Variants in CFAP99 observed in about 807,000 individuals in gnomAD.
CFAP99 encodes the protein cilia- and flagella-associated protein 99.
A neutral mutation model predicts 82.7 loss-of-function variants in CFAP99; 84 were observed. That is an observed-to-expected ratio of 1.02 (90% confidence interval 0.85 to 1.22). CFAP99 has a LOEUF of 1.22. Among genes scored for constraint, CFAP99 ranks in the 50% most tolerant of loss-of-function variants. The pLI is 0.00. For missense variants in CFAP99, 1,059 were observed against 983.5 expected, an observed-to-expected ratio of 1.08 and a Z score of -1.03; for synonymous variants, 456 against 429.5, an observed-to-expected ratio of 1.06 and a Z score of -0.76.
At chr4:2,452,226 G>A (rs1734319761) in exon 11 of CFAP99, 2 of 1,536,058 alleles carry the variant, frequency 1.3e-6, no homozygotes, top group Admixed American at 2.0e-5. Context: ...ACCGGGAGGA[G>A]CAGCTGGCTG....
At chr4:2,452,707 C>A (rs959576684) in intron 11 of CFAP99, among the ~76,000 whole-genome samples, 2 of 152,186 alleles carry the variant, frequency 1.3e-5, no homozygotes, top group Non-Finnish European at 2.9e-5. Flanking sequence ...TTGATAGTTT[C>A]ATCTGTGTCT....
intron 1 of CFAP99, among the ~76,000 whole-genome samples, chr4:2,419,408 C>A (rs1290745582): frequency 6.6e-6 from 1 of 152,190 alleles, no homozygotes; most frequent in Non-Finnish European, 1.5e-5. Flanking sequence ...CGTGGCCTCA[C>A]TTAAACTTCC....
At chr4:2,443,137 G>C (rs765280926) in exon 5 of CFAP99, 1 of 1,533,486 alleles carries the variant, frequency 6.5e-7, no homozygotes, top group South Asian at 1.2e-5. Context: ...CAGTTCCTCA[G>C]GTTCTTCTTC....
At chr4:2,449,159 A>G (rs1734243100) in intron 6 of CFAP99, among the ~76,000 whole-genome samples, 1 of 151,960 alleles carries the variant, frequency 6.6e-6, no homozygotes, top group Non-Finnish European at 1.5e-5. Flanking sequence ...TCATGGACAC[A>G]GCTCCGGCCA....
chr4:2,450,036 C>T (rs1025719368), intron 8 of CFAP99, 31 bp downstream of exon 8: 28 of 1,530,940 alleles, frequency 1.8e-5, no homozygotes, highest in East Asian at 2.4e-5. Flanking sequence ...GACCCATCAT[C>T]GAGGTGCCAT....
intron 1 of CFAP99, among the ~76,000 whole-genome samples, chr4:2,419,770 G>T (rs911462318): frequency 6.6e-6 from 1 of 151,960 alleles, no homozygotes; most frequent in Non-Finnish European, 1.5e-5. Context: ...TTGGGGGTAG[G>T]GTCCATGTTT....
intron 8 of CFAP99, chr4:2,450,383 G>A (rs937583902): frequency 1.6e-5 from 5 of 310,664 alleles, no homozygotes; most frequent in South Asian, 3.3e-5. Context: ...TGTGCCTGGC[G>A]GGGCTCACTC....
intron 11 of CFAP99, among the ~76,000 whole-genome samples, chr4:2,454,596 T>TGG (rs1734385220): frequency 1.4e-5 from 2 of 144,334 alleles, no homozygotes; most frequent in African/African-American, 5.4e-5. Flanking sequence ...TTTTTTTTGT[T>TGG]TTTTTTTTTT....
At chr4:2,450,601 G>A (rs17132584) in intron 8 of CFAP99, among the ~76,000 whole-genome samples, 6,077 of 152,288 alleles carry the variant, frequency 0.04, 437 homozygotes, top group African/African-American at 0.14. Flanking sequence ...AGACAGGCTC[G>A]GGGAGAGGCC....
intron 4 of CFAP99, among the ~76,000 whole-genome samples, 198 bp from the exon 5 acceptor site, chr4:2,442,932 G>C (rs1476418082): frequency 1.9e-5 from 2 of 103,432 alleles, no homozygotes; most frequent in Non-Finnish European, 2.0e-5. Flanking sequence ...GGGGTGCTGG[G>C]GGCCTTGGGG....
At chr4:2,423,845 G>A (rs1429684319) in intron 1 of CFAP99, among the ~76,000 whole-genome samples, 1 of 150,828 alleles carries the variant, frequency 6.6e-6, no homozygotes, top group Non-Finnish European at 1.5e-5. Context: ...ACTGGCGCAG[G>A]AACGCACCTC....
At chr4:2,456,593 CACCACA>C (rs1211512322) in intron 11 of CFAP99, among the ~76,000 whole-genome samples, 3 of 152,184 alleles carry the variant, frequency 2.0e-5, no homozygotes, top group African/African-American at 7.2e-5. Flanking sequence ...GATCTCGGCT[CACCACA>C]ACCTCTGCCT....
intron 1 of CFAP99, among the ~76,000 whole-genome samples, chr4:2,424,985 C>T (rs568754420): frequency 4.6e-5 from 7 of 152,252 alleles, no homozygotes; most frequent in East Asian, 1.9e-4. Flanking sequence ...CTTCAGGAAT[C>T]GTTCCCTGAT....
chr4:2,443,058 G>C, intron 4 of CFAP99, 72 bp from the exon 5 acceptor site: 1 of 837,784 alleles, frequency 1.2e-6, no homozygotes, highest in Non-Finnish European at 1.9e-6. Context: ...CTCACTGGGG[G>C]TGCTGGGGAC....
rs949810022 is a variant in CFAP99, at chr4:2,462,574, C to T, written c.1793C>T (p.Ser598Leu). ...AGGCAGGCGGCCTTGCTGCACGTGTCGGCGCCGCGGACCGCGCGCCCCAAG... is the reference window on the plus strand; with the variant it reads ...AGGCAGGCGGCCTTGCTGCACGTGTTGGCGCCGCGGACCGCGCGCCCCAAG... The change falls in exon 15 of 15, where the codon TCG (serine) becomes TTG (leucine). Residue 598 changes from serine to leucine, a missense_variant. By Grantham distance (145) the Ser-to-Leu change is moderately radical (BLOSUM62 -2). Transcript: ENST00000635017. This position sits in a 1 kb window ranked among gnomAD's most constrained non-coding sequence, Gnocchi z 4.1. The T allele has an allele frequency of 4.2e-6, 6 of 1,432,730 alleles. No homozygotes were observed. In the African/African-American group the frequency reaches 8.9e-5, roughly 21 times the overall value. The allele number at this position is 1,432,730 out of a possible 1,614,324, so 88.8% of individuals were successfully genotyped here.
At chr4:2,427,793 A>G (rs1255881331) in intron 2 of CFAP99, 1 of 152,346 alleles carries the variant, frequency 6.6e-6, no homozygotes, top group Non-Finnish European at 1.5e-5. Context: ...GGCAGCCTCA[A>G]GAAAGCCCAG....
intron 2 of CFAP99, among the ~76,000 whole-genome samples, chr4:2,431,368 C>A (rs78043706): frequency 1.9e-4 from 28 of 145,326 alleles, no homozygotes; most frequent in African/African-American, 4.1e-4. Flanking sequence ...GACTCTGTCT[C>A]AAAAAAAAAA....
At chr4:2,459,952 C>A in intron 13 of CFAP99, 85 bp from the exon 14 acceptor site, 2 of 1,233,574 alleles carry the variant, frequency 1.6e-6, no homozygotes, top group Non-Finnish European at 2.3e-6. Context: ...AAGGGGTGGG[C>A]CTATGGAACA....
chr4:2,460,522 C>T lies in CFAP99; in HGVS notation c.1661+280C>T, dbSNP rs183166437. 3.3e-3 allele frequency among the ~76,000 whole-genome samples: 504 copies of T among 152,292 alleles called. 3 individuals carry two copies. The highest frequency in any genetic ancestry group is 0.011 in the African/African-American group (439 of 41,554). On this transcript the variant is annotated intron_variant, in intron 14 of 14. Coordinates refer to ENST00000635017, the Ensembl canonical transcript of CFAP99. The stretch of plus-strand genomic sequence containing the variant: ...CCAACCTTTCACCATATGTGCTTCA[C>T]GTAGCCAGCTAGCTATTTATGTCTG...
Sources: allele counts gnomAD v4.1 joint callset (sites outside exome capture counted in the v4.1 genomes callset), GRCh38; gene constraint gnomAD v4.1.1; non-coding constraint Gnocchi (gnomAD v3.1); transcripts MANE v1.5; gene names NCBI Gene and HGNC (gene_info 2026-07-23, HGNC 2026-07-21).